The following FSTL5 variants were observed in gnomAD, a reference collection of about 807,000 sequenced individuals.
FSTL5 encodes the protein follistatin like 5.
In FSTL5, 62 loss-of-function variants were observed where a neutral mutation model predicts 89.1. That is an observed-to-expected ratio of 0.70 (90% CI 0.57 to 0.86). The LOEUF is 0.86. Among genes scored for constraint, FSTL5 ranks in the 40% least tolerant of loss-of-function variants. FSTL5 has a pLI of 0.00. For missense variants in FSTL5, 1,057 were observed against 1,001.6 expected, an observed-to-expected ratio of 1.06 and a Z score of -0.75; for synonymous variants, 383 against 346.2, an observed-to-expected ratio of 1.11 and a Z score of -1.18.
At chr4:162,153,893 C>T (rs1344488737) in intron 1 of FSTL5, among the ~76,000 whole-genome samples, 2 of 151,006 alleles carry the variant, frequency 1.3e-5, no homozygotes, top group African/African-American at 4.9e-5. Context: ...ACAACCTCCA[C>T]CCCTTGGGTT....
chr4:161,783,726 CTTTTCT>C (rs1339373504), intron 4 of FSTL5, among the ~76,000 whole-genome samples: 1 of 16,226 alleles, frequency 6.2e-5, no homozygotes, highest in Non-Finnish European at 1.1e-4. Flanking sequence ...TTTCTTTCTT[CTTTTCT>C]TTTCTTTCTT....
chr4:161,989,501 T>G (rs569062731), intron 3 of FSTL5, among the ~76,000 whole-genome samples: 6 of 152,054 alleles, frequency 3.9e-5, no homozygotes, highest in Non-Finnish European at 7.4e-5. Context: ...AGCATAGCTA[T>G]GGAATCAAAC....
chr4:161,660,056 C>A (rs1029392421), intron 6 of FSTL5, among the ~76,000 whole-genome samples: 1 of 152,190 alleles, frequency 6.6e-6, no homozygotes, highest in African/African-American at 2.4e-5. Flanking sequence ...TTTTGACACA[C>A]TTCAAAAATT....
intron 3 of FSTL5, among the ~76,000 whole-genome samples, chr4:161,941,947 T>C: frequency 6.6e-6 from 1 of 152,000 alleles, no homozygotes. Context: ...GTTCAAGGTA[T>C]CTTAGCAACA....
intron 8 of FSTL5, among the ~76,000 whole-genome samples, chr4:161,571,107 TA>T (rs952114143): frequency 3.8e-4 from 55 of 145,506 alleles, no homozygotes; most frequent in Middle Eastern, 3.6e-3. Flanking sequence ...AGACTCCGTT[TA>T]AAAAAAAAAA....
intron 6 of FSTL5, among the ~76,000 whole-genome samples, chr4:161,679,795 A>G (rs1048455578): frequency 6.6e-6 from 1 of 151,838 alleles, no homozygotes; most frequent in Non-Finnish European, 1.5e-5. Flanking sequence ...ACTATGTGCT[A>G]GGTACTCTTC....
chr4:161,708,268 T>TAAAA (rs1738650926), intron 6 of FSTL5, among the ~76,000 whole-genome samples: 1 of 152,014 alleles, frequency 6.6e-6, no homozygotes, highest in Admixed American at 6.6e-5. Flanking sequence ...TTTTAAGCTT[T>TAAAA]TATAACATAA....
chr4:161,385,956 T>C lies in FSTL5; in HGVS notation c.2335A>G (p.Ile779Val). Residue 779 changes from isoleucine (I) to valine (V), a missense_variant, in exon 16 of 16, where the codon ATA becomes GTA. Transcript: ENST00000306100. ...VELSSGKVKM[I>V]KSLKEPLKAE... ...TTGAGTGGTTCCTTGAGACTCTTTA[T>C]CATCTTGACCTTCCCAGAAGAGAGC... is the stretch of plus-strand genomic sequence containing the variant. The C allele has an allele frequency of 6.2e-7, 1 of 1,614,006 alleles. No homozygotes were observed. The highest frequency in any genetic ancestry group is 8.5e-7 in the Non-Finnish European group (1 of 1,179,942).
chr4:162,082,330 C>T (rs567732345), intron 2 of FSTL5, among the ~76,000 whole-genome samples: 2 of 151,704 alleles, frequency 1.3e-5, no homozygotes, highest in South Asian at 4.1e-4. Flanking sequence ...TTATTTTCCT[C>T]TTTGCTGGTA....
At chr4:161,626,188 T>C (rs369017447) in intron 7 of FSTL5, among the ~76,000 whole-genome samples, 14 of 152,254 alleles carry the variant, frequency 9.2e-5, no homozygotes, top group African/African-American at 2.2e-4. Flanking sequence ...CAAAACCATC[T>C]TGTGATGGGC....
intron 6 of FSTL5, among the ~76,000 whole-genome samples, chr4:161,728,559 C>T (rs1019007274): frequency 2.0e-5 from 3 of 151,964 alleles, no homozygotes; most frequent in Admixed American, 2.0e-4. Context: ...AGGGAACATA[C>T]ATGAGAATTC....
chr4:161,908,095 C>G (rs1733587658), intron 4 of FSTL5, among the ~76,000 whole-genome samples: 1 of 151,934 alleles, frequency 6.6e-6, no homozygotes, highest in African/African-American at 2.4e-5. Flanking sequence ...ATATCAGGGA[C>G]CAATGCTAAT....
At chr4:162,115,995 T>C (rs1197506934) in intron 1 of FSTL5, among the ~76,000 whole-genome samples, 1 of 152,128 alleles carries the variant, frequency 6.6e-6, no homozygotes, top group African/African-American at 2.4e-5. Context: ...AAAAGTGTCG[T>C]AGCATGCCTT....
At chr4:161,862,545 CA>C (rs1731951260) in intron 4 of FSTL5, among the ~76,000 whole-genome samples, 1 of 151,998 alleles carries the variant, frequency 6.6e-6, no homozygotes, top group South Asian at 2.1e-4. Flanking sequence ...CCATCCCAGA[CA>C]ACATGGTGAA....
At chr4:161,785,998 T>A (rs1434626) in intron 4 of FSTL5, among the ~76,000 whole-genome samples, 150,037 of 152,134 alleles carry the variant, frequency 0.99, 74,011 homozygotes, top group East Asian at 1. Flanking sequence ...TATATTCCTT[T>A]TACATTCATT....
intron 15 of FSTL5, among the ~76,000 whole-genome samples, chr4:161,409,509 G>A (rs1435749679): frequency 1.3e-5 from 2 of 151,974 alleles, no homozygotes; most frequent in Non-Finnish European, 2.9e-5. Context: ...AGCCTCCCGA[G>A]TAGCTGGGAT....
intron 4 of FSTL5, among the ~76,000 whole-genome samples, chr4:161,799,672 C>T (rs1186238352): frequency 1.3e-5 from 2 of 151,548 alleles, no homozygotes; most frequent in Non-Finnish European, 3.0e-5. Flanking sequence ...AATATTCAAG[C>T]AGAGCATTAA....
chr4:161,622,327 A>G (rs1735162696), intron 7 of FSTL5, among the ~76,000 whole-genome samples: 1 of 152,124 alleles, frequency 6.6e-6, no homozygotes, highest in African/African-American at 2.4e-5. Flanking sequence ...TACCAATGTT[A>G]CACAACTTTT....
chr4:162,091,795 T>C (rs1730559826), intron 2 of FSTL5, among the ~76,000 whole-genome samples: 1 of 152,084 alleles, frequency 6.6e-6, no homozygotes, highest in Non-Finnish European at 1.5e-5. Context: ...AAAAAAATTA[T>C]AATCAACACA....
Sources: gnomAD v4.1 joint callset for allele counts (sites outside exome capture counted in the v4.1 genomes callset) on GRCh38, gnomAD v4.1.1 for gene constraint, MANE v1.5 for transcripts, NCBI Gene and HGNC (gene_info 2026-07-23, HGNC 2026-07-21) for gene names.